SNED1: variants seen among roughly 807,000 people sequenced by gnomAD.
The protein encoded by SNED1 is sushi, nidogen and EGF-like domain-containing protein 1.
Under a neutral mutation model 166.7 loss-of-function variants are expected in SNED1, and 81 were observed. That is an observed-to-expected ratio of 0.49 (90% CI 0.41 to 0.58). The LOEUF is 0.58. SNED1 is among the 20% of genes least tolerant of loss of function. The pLI is 0.00. For missense variants in SNED1, 1,604 were observed against 2,000.2 expected, an observed-to-expected ratio of 0.80 and a Z score of 3.78; for synonymous variants, 762 against 822.0, an observed-to-expected ratio of 0.93 and a Z score of 1.25.
intron 29 of SNED1, among the ~76,000 whole-genome samples, chr2:241,083,480 G>A (rs11888920): frequency 0.035 from 5,375 of 152,250 alleles, 325 homozygotes; most frequent in African/African-American, 0.12. Context: ...GGATGTAGAC[G>A]GGCAAGGGTA....
Position 241,040,304 on chromosome 2 carries a change from G to A in SNED1, c.1164G>A (p.Val388=). 2 of 1,601,276 alleles carry A rather than the reference G, an allele frequency of 1.2e-6. No homozygotes were observed. The highest frequency in any genetic ancestry group is 2.7e-5 in the African/African-American group (2 of 74,796). The change falls in exon 8 of 32, where the codon GTG becomes GTA. Residue 388 remains valine (V), a synonymous_variant. Coordinates refer to ENST00000310397, the MANE Select transcript of SNED1 (RefSeq NM_001080437.3). The part of the protein sequence containing the change: ...GYTGAACEMD[V]DDCSPDPCLN... ...CGCACCTCTGCTGCCCCTCAGATGT[G>A]GACGACTGCAGCCCTGACCCCTGCC...
chr2:241,084,727 C>T (rs572563919), intron 29 of SNED1, among the ~76,000 whole-genome samples: 7 of 152,282 alleles, frequency 4.6e-5, no homozygotes, highest in Admixed American at 6.5e-5. Context: ...ACTCTTCATT[C>T]CTTTTTGTAG....
chr2:241,068,967 G>C lies in SNED1; in HGVS notation c.3251G>C (p.Arg1084Thr), dbSNP rs780670214. Residue 1084 changes from arginine (R) to threonine (T), a missense_variant, in exon 23 of 32, where the codon AGG becomes ACG. Physicochemically the swap from Arg to Thr is moderately conservative, Grantham distance 71 (BLOSUM62 -1). Transcript: ENST00000310397. This position sits in a 1 kb window ranked among gnomAD's most constrained non-coding sequence, Gnocchi z 5.3. ...TIQLTTLSGL[R>T]GEEHPTESLA... ...CAGCTGACCACCCTCAGTGGGCTCA[G>C]GGGAGAGGAGCACCCCACAGAGAGC... 9.0e-6 allele frequency: 14 copies of C among 1,557,140 alleles called. No individual in the cohort carries two copies. The highest frequency in any genetic ancestry group is 1.9e-5 in the Admixed American group (1 of 51,746).
Position 241,078,021 on chromosome 2 carries a change from A to G in SNED1, c.3917-3656A>G, listed in dbSNP as rs146561538. ...AACCTATGTCCACATGAGGTCCTGT[A>G]CACAAATATTTATAGCAGCACAGCA... On this transcript the variant is annotated intron_variant, in intron 27 of 31. Coordinates refer to ENST00000310397, the MANE Select transcript of SNED1 (RefSeq NM_001080437.3). 2.6e-5 allele frequency among the ~76,000 whole-genome samples: 4 copies of G among 152,302 alleles called. No homozygotes were observed. The East Asian group carries it at 7.7e-4, about 29-fold the overall frequency.
Position 241,064,800 on chromosome 2 carries a change from C to A in SNED1, c.2600-44C>A, listed in dbSNP as rs768179611. 1.4e-6 allele frequency: 2 copies of A among 1,404,504 alleles called. No individual in the cohort carries two copies. Among genetic ancestry groups the A allele is most frequent in the Non-Finnish European group, 1.9e-6 (2 of 1,046,010 alleles). The allele number at this position is 1,404,504 out of a possible 1,614,324, so 87.0% of individuals were successfully genotyped here. A position where few individuals can be genotyped will look rare whatever the true frequency, so the allele number is the denominator to read the frequency against. On this transcript the variant is annotated intron_variant, in intron 19 of 31. Transcript: ENST00000310397. The surrounding 1 kb of genome is among the most constrained non-coding windows in gnomAD (Gnocchi z 7.0). ...CAAGGGCGGGGCTGGAGCAGGGACC[C>A]CTGGCCACGCCCCAACATACACTGC...
intron 1 of SNED1, among the ~76,000 whole-genome samples, chr2:241,014,625 A>AT (rs1159996990): frequency 6.6e-6 from 1 of 152,054 alleles, no homozygotes; most frequent in Non-Finnish European, 1.5e-5. Flanking sequence ...TTTCTCGCCG[A>AT]TTCGTGGGGG....
At position 241,058,180 on chromosome 2, in the gene SNED1, GCAT is replaced by G. The variant is rs1253159111; in HGVS notation, c.2258-4607_2258-4605del. 8.5e-5 allele frequency among the ~76,000 whole-genome samples: 13 copies of G among 152,224 alleles called. 1 individual carries two copies. The East Asian group carries it at 2.1e-3, about 25-fold the overall frequency. Reference sequence around the variant, plus strand: ...GAAAAAGAAGAGTATAAGACGAAAAGCATCATTAAGAATGAGAGGGTGTCTCTC... The same window carrying G: ...GAAAAAGAAGAGTATAAGACGAAAAGCATTAAGAATGAGAGGGTGTCTCTC... On this transcript the variant is annotated intron_variant, in intron 16 of 31. Transcript: ENST00000310397.
At position 241,006,194 on chromosome 2, in the gene SNED1, G is replaced by A. The variant is rs576248605; in HGVS notation, c.213+7144G>A. 9.5e-4 allele frequency among the ~76,000 whole-genome samples: 144 copies of A among 151,914 alleles called. 1 individual carries two copies. The highest frequency in any genetic ancestry group is 3.3e-3 in the African/African-American group (137 of 41,440). On this transcript the variant is annotated intron_variant, in intron 1 of 31. Coordinates refer to ENST00000310397, the MANE Select transcript of SNED1 (RefSeq NM_001080437.3). ...AACCTATTCATCCCATTCAGAGTAT[G>A]TTTGTTTCATCTATTTCACTTTTTA...
intron 14 of SNED1, 34 bp from the exon 15 acceptor site, chr2:241,052,321 A>T: frequency 2.0e-6 from 3 of 1,535,278 alleles, no homozygotes; most frequent in Non-Finnish European, 2.7e-6. Context: ...TTCAGGGAAG[A>T]CACAGTGGCC....
At chr2:241,080,928 G>A (rs1284915163) in intron 27 of SNED1, among the ~76,000 whole-genome samples, 3 of 152,260 alleles carry the variant, frequency 2.0e-5, no homozygotes, top group African/African-American at 7.2e-5. Context: ...GAGGGCAGGA[G>A]CGACAGGGAC....
chr2:241,071,739 G>C lies in SNED1; in HGVS notation c.3734+19G>C. ...CCCCCAGGTACATGCCCCACCCATC[G>C]GCCCCATCGCCCGAGGCGGCGCTCG... On this transcript the variant is annotated intron_variant, in intron 25 of 31. Transcript: ENST00000310397. The C allele has an allele frequency of 7.4e-7, 1 of 1,344,908 alleles. No individual in the cohort carries two copies. Among genetic ancestry groups the C allele is most frequent in the Non-Finnish European group, 1.0e-6 (1 of 1,003,594 alleles). The allele number at this position is 1,344,908 out of a possible 1,614,324, so 83.3% of individuals were successfully genotyped here.
Position 241,094,234 on chromosome 2 carries a change from A to G in SNED1, c.*2598A>G, listed in dbSNP as rs2064235873. ...TTTGCTGTGCCCACTGTCCTCCAGT[A>G]GAGAACCCAACAGGCAAGGGCCCCA... On this transcript the variant is annotated 3_prime_UTR_variant, in exon 32 of 32. Coordinates refer to ENST00000310397, the MANE Select transcript of SNED1 (RefSeq NM_001080437.3). The surrounding 1 kb of genome is among the most constrained non-coding windows in gnomAD (Gnocchi z 4.3). The G allele has an allele frequency of 2.2e-6, 1 of 461,790 alleles. No individual in the cohort carries two copies. Among genetic ancestry groups the G allele is most frequent in the Non-Finnish European group, 4.5e-6 (1 of 223,166 alleles). 28.6% of individuals were successfully genotyped at this position (461,790 alleles called of 1,614,324 possible). A position where few individuals can be genotyped will look rare whatever the true frequency, so the allele number is the denominator to read the frequency against.
At chr2:241,080,055 C>T (rs2063256303) in intron 27 of SNED1, among the ~76,000 whole-genome samples, 1 of 152,082 alleles carries the variant, frequency 6.6e-6, no homozygotes, top group East Asian at 1.9e-4. Context: ...GAGGCTGAAA[C>T]GGGCAGTTGA....
intron 3 of SNED1, among the ~76,000 whole-genome samples, chr2:241,034,345 CT>C (rs2061279010): frequency 6.6e-6 from 1 of 152,230 alleles, no homozygotes; most frequent in South Asian, 2.1e-4. Context: ...ATACTTGCCC[CT>C]GGCCCCAGGG....
chr2:241,081,364 C>G (rs74000358), intron 27 of SNED1, among the ~76,000 whole-genome samples: 2 of 152,130 alleles, frequency 1.3e-5, no homozygotes, highest in South Asian at 2.1e-4. Context: ...GGGCTCAGCA[C>G]TGAAGGCCCC....
At chr2:241,090,868 CAA>C (rs371271027) in intron 31 of SNED1, among the ~76,000 whole-genome samples, 56 of 100,678 alleles carry the variant, frequency 5.6e-4, no homozygotes, top group Admixed American at 7.5e-4. Flanking sequence ...CCCTCTGTCT[CAA>C]AAAAAAAAAA....
chr2:241,024,537 C>T (rs12622236), intron 1 of SNED1, among the ~76,000 whole-genome samples: 1 of 151,690 alleles, frequency 6.6e-6, no homozygotes, highest in Non-Finnish European at 1.5e-5. Context: ...TAAGCCACCG[C>T]ACCCAGCCAC....
At position 241,018,508 on chromosome 2, in the gene SNED1, T is replaced by C. The variant is rs1224713678; in HGVS notation, c.214-11776T>C. Among the ~76,000 whole-genome samples, 1 of 152,192 alleles carries C rather than the reference T, an allele frequency of 6.6e-6. No individual in the cohort carries two copies. Among genetic ancestry groups the C allele is most frequent in the Non-Finnish European group, 1.5e-5 (1 of 68,022 alleles). On this transcript the variant is annotated intron_variant, in intron 1 of 31. Transcript: ENST00000310397. The surrounding 1 kb of genome is among the most constrained non-coding windows in gnomAD (Gnocchi z 5.4). ...ACGTCCCGGGGTCTAAGGTGGTCCC[T>C]GGTCAGGAGCCGGGACTGGCGTTCT...
At chr2:241,023,744 C>T (rs190774272) in intron 1 of SNED1, among the ~76,000 whole-genome samples, 33 of 152,206 alleles carry the variant, frequency 2.2e-4, no homozygotes, top group African/African-American at 7.2e-4. Context: ...TCCTCTTTAC[C>T]ACTAGCAATG....
Sources: gnomAD v4.1 joint callset for allele counts (sites outside exome capture counted in the v4.1 genomes callset) on GRCh38, gnomAD v4.1.1 for gene constraint, Gnocchi (gnomAD v3.1) non-coding constraint, MANE v1.5 for transcripts, NCBI Gene and HGNC (gene_info 2026-07-23, HGNC 2026-07-21) for gene names.